AGBL4: variants seen among roughly 807,000 people sequenced by gnomAD.
AGBL4 encodes cytosolic carboxypeptidase 6.
In AGBL4, 58 loss-of-function variants were observed where a neutral mutation model predicts 66.4. That is an observed-to-expected ratio of 0.87 (90% CI 0.71 to 1.09). The LOEUF is 1.09. AGBL4 is among the 50% of genes least tolerant of loss of function. The pLI, the probability that AGBL4 is intolerant of heterozygous loss-of-function variation, is 0.00. For missense variants in AGBL4, 579 were observed against 631.0 expected, an observed-to-expected ratio of 0.92 and a Z score of 0.88; for synonymous variants, 234 against 222.9, an observed-to-expected ratio of 1.05 and a Z score of -0.44.
intron 5 of AGBL4, among the ~76,000 whole-genome samples, chr1:48,987,370 T>C (rs929089417): frequency 6.6e-5 from 10 of 152,040 alleles, no homozygotes; most frequent in African/African-American, 2.4e-4. Context: ...AGTGGCCATA[T>C]TAATATCAGA....
At chr1:49,473,186 G>A (rs1420454315) in intron 3 of AGBL4, among the ~76,000 whole-genome samples, 1 of 151,980 alleles carries the variant, frequency 6.6e-6, no homozygotes, top group Non-Finnish European at 1.5e-5. Context: ...AGATTCCTAA[G>A]TCGAATGACT....
chr1:49,750,183 A>C (rs1651335538), intron 2 of AGBL4, among the ~76,000 whole-genome samples: 1 of 151,994 alleles, frequency 6.6e-6, no homozygotes. Flanking sequence ...AAAATATACA[A>C]GAGCGGTATT....
intron 4 of AGBL4, among the ~76,000 whole-genome samples, chr1:49,235,997 GATTTATTTATTTATTT>G (rs3052026): frequency 6.7e-6 from 1 of 148,394 alleles, no homozygotes; most frequent in South Asian, 2.2e-4. Flanking sequence ...CATTTTGAAG[GATTTATTTATTTATTT>G]ATTTATTTAT....
intron 1 of AGBL4, among the ~76,000 whole-genome samples, chr1:49,954,810 G>T (rs1350838639): frequency 6.6e-6 from 1 of 151,808 alleles, no homozygotes; most frequent in African/African-American, 2.4e-5. Context: ...TTATTTTCAA[G>T]GGAGGTTACA....
intron 6 of AGBL4, among the ~76,000 whole-genome samples, chr1:48,816,354 A>G (rs534776041): frequency 6.6e-6 from 1 of 152,250 alleles, no homozygotes; most frequent in African/African-American, 2.4e-5. Context: ...TCATCCTTTT[A>G]TGGCAGAACA....
At chr1:48,635,605 C>T (rs368982960) in intron 8 of AGBL4, among the ~76,000 whole-genome samples, 1 of 152,204 alleles carries the variant, frequency 6.6e-6, no homozygotes, top group Non-Finnish European at 1.5e-5. Context: ...TGGGCAAGTC[C>T]CTTGCTCTCT....
At chr1:48,696,028 C>G (rs1646709083) in intron 6 of AGBL4, among the ~76,000 whole-genome samples, 1 of 152,218 alleles carries the variant, frequency 6.6e-6, no homozygotes, top group African/African-American at 2.4e-5. Context: ...AGCCCGCCTT[C>G]TAATGCTACA....
chr1:48,922,932 TATAC>T (rs1372300479), intron 5 of AGBL4, among the ~76,000 whole-genome samples: 4 of 151,318 alleles, frequency 2.6e-5, no homozygotes, highest in Admixed American at 2.0e-4. Context: ...TATATATATA[TATAC>T]ATACATATGC....
chr1:49,188,450 TG>T (rs755908791), intron 4 of AGBL4, among the ~76,000 whole-genome samples: 2 of 152,168 alleles, frequency 1.3e-5, no homozygotes, highest in Non-Finnish European at 2.9e-5. Context: ...AACTGTACTA[TG>T]CTCAGCACTG....
At chr1:49,806,800 C>A (rs558066430) in intron 2 of AGBL4, among the ~76,000 whole-genome samples, 1 of 152,108 alleles carries the variant, frequency 6.6e-6, no homozygotes, top group South Asian at 2.1e-4. Context: ...CCACAGGACC[C>A]ACATACTCGC....
intron 2 of AGBL4, among the ~76,000 whole-genome samples, chr1:49,742,578 G>A (rs1033848435): frequency 4.0e-5 from 6 of 151,872 alleles, no homozygotes; most frequent in Non-Finnish European, 8.8e-5. Context: ...AACCAAAAAA[G>A]AGCCCGCATC....
At chr1:49,938,021 C>T (rs945831365) in intron 1 of AGBL4, among the ~76,000 whole-genome samples, 52 of 148,202 alleles carry the variant, frequency 3.5e-4, no homozygotes, top group African/African-American at 1.3e-3. Context: ...AAAATAGAGA[C>T]AAAAAAAGCC....
intron 1 of AGBL4, among the ~76,000 whole-genome samples, chr1:49,858,343 A>T (rs1205507161): frequency 6.6e-6 from 1 of 152,208 alleles, no homozygotes; most frequent in African/African-American, 2.4e-5. Context: ...CTAAATATCT[A>T]AAAATAAAAG....
At chr1:48,587,412 G>A (rs920219050) in intron 10 of AGBL4, among the ~76,000 whole-genome samples, 1 of 151,798 alleles carries the variant, frequency 6.6e-6, no homozygotes, top group Non-Finnish European at 1.5e-5. Flanking sequence ...GAGAGAGAGG[G>A]AGCAGGGAAA....
intron 3 of AGBL4, among the ~76,000 whole-genome samples, chr1:49,381,758 A>G (rs1413601762): frequency 6.7e-6 from 1 of 149,382 alleles, no homozygotes; most frequent in East Asian, 2.0e-4. Context: ...AAAAAACCAA[A>G]CACGGTATAT....
chr1:49,968,802 C>G (rs1571980144), intron 1 of AGBL4, among the ~76,000 whole-genome samples: 1 of 152,194 alleles, frequency 6.6e-6, no homozygotes, highest in Non-Finnish European at 1.5e-5. Flanking sequence ...TCTTCGATGG[C>G]ATGAAGGCCA....
At chr1:48,859,739 T>C (rs1248664671) in intron 6 of AGBL4, among the ~76,000 whole-genome samples, 1 of 152,242 alleles carries the variant, frequency 6.6e-6, no homozygotes, top group Non-Finnish European at 1.5e-5. Context: ...AATTGTTACT[T>C]CAGTGTCACA....
chr1:49,945,929 C>A (rs772493014), intron 1 of AGBL4, among the ~76,000 whole-genome samples: 16 of 151,930 alleles, frequency 1.1e-4, no homozygotes, highest in Non-Finnish European at 2.1e-4. Context: ...TCAAACAAAA[C>A]AGACTTTAGA....
intron 4 of AGBL4, among the ~76,000 whole-genome samples, chr1:49,130,058 T>C (rs1645857131): frequency 6.6e-6 from 1 of 151,868 alleles, no homozygotes; most frequent in Admixed American, 6.6e-5. Context: ...ATTTCTCTGA[T>C]GGCCAGTGAT....
Sources: allele counts gnomAD v4.1 joint callset (sites outside exome capture counted in the v4.1 genomes callset), GRCh38; gene constraint gnomAD v4.1.1; transcripts MANE v1.5; gene names NCBI Gene and HGNC (gene_info 2026-07-23, HGNC 2026-07-21).